CCDC180: variants seen among roughly 807,000 people sequenced by gnomAD.
The protein encoded by CCDC180 is coiled-coil domain containing 180, also known as coiled-coil domain-containing protein 180.
In CCDC180, 154 loss-of-function variants were observed where a neutral mutation model predicts 209.2. The ratio of observed to expected loss-of-function variants is 0.74; its 90% CI spans 0.65 to 0.84. CCDC180 has a LOEUF of 0.84. CCDC180 is among the 40% of genes least tolerant of loss of function. The pLI, the probability that CCDC180 is intolerant of heterozygous loss-of-function variation, is 0.00. For synonymous variants in CCDC180, 778 were observed against 749.1 expected (o/e 1.04, Z -0.63); for missense variants, 1,874 against 1,997.3 (o/e 0.94, Z 1.18).
rs747470456 is a variant in CCDC180 at position 97,314,604 on chromosome 9, A to G, written c.589-14A>G. The G allele has an allele frequency of 4.3e-6, 7 of 1,613,572 alleles. No homozygotes were observed. In the African/African-American group the frequency reaches 6.7e-5, roughly 15 times the overall value. The stretch of plus-strand genomic sequence containing the variant: ...CCCACCGGCTCCTAGCCTGACCCAA[A>G]CTTCTCTGCGTAGGCCCTGCTGGAG... On this transcript the variant is annotated splice_polypyrimidine_tract_variant and intron_variant, in intron 6 of 36. Coordinates refer to ENST00000529487, the MANE Select transcript of CCDC180 (RefSeq NM_020893.6).
intron 12 of CCDC180, 104 bp from the exon 13 acceptor site, chr9:97,323,677 G>A (rs1489211703): frequency 9.8e-6 from 13 of 1,330,940 alleles, no homozygotes; most frequent in Non-Finnish European, 1.3e-5. Context: ...CCTTCACCTG[G>A]AGCTCAGGTC....
intron 13 of CCDC180, 75 bp downstream of exon 13, chr9:97,323,978 G>A (rs1428422432): frequency 1.3e-6 from 2 of 1,506,144 alleles, no homozygotes; most frequent in Admixed American, 2.0e-5. Flanking sequence ...GCTGTAGGGA[G>A]AGTCCAAGAA....
In CCDC180 at chr9:97,367,869, T is replaced by C. The variant is rs887788110; in HGVS notation, c.4189+1169T>C. On this transcript the variant is annotated intron_variant, in intron 31 of 36. Coordinates refer to ENST00000529487, the MANE Select transcript of CCDC180 (RefSeq NM_020893.6). ...TTAAGTTCCTCACACAGACTTGGCATGTACAGGGAATTAAGCAGCGATAGT... is the reference window on the plus strand; with the variant it reads ...TTAAGTTCCTCACACAGACTTGGCACGTACAGGGAATTAAGCAGCGATAGT... Among the ~76,000 whole-genome samples the C allele has an allele frequency of 4.6e-5, 7 of 152,162 alleles. 1 individual carries two copies. The East Asian group carries it at 7.7e-4, about 17-fold the overall frequency.
chr9:97,320,917 G>A (rs536981063), intron 11 of CCDC180, among the ~76,000 whole-genome samples: 3 of 152,308 alleles, frequency 2.0e-5, no homozygotes, highest in East Asian at 1.9e-4. Flanking sequence ...CGACTTCATG[G>A]TAGTGTGAAA....
chr9:97,309,389 C>G, intron 2 of CCDC180, 25 bp from the exon 3 acceptor site: 2 of 1,594,612 alleles, frequency 1.3e-6, no homozygotes, highest in South Asian at 2.3e-5. Flanking sequence ...ACCACTCCCC[C>G]ATCCTTGGTC....
chr9:97,314,306 T>C, intron 5 of CCDC180, 87 bp from the exon 6 acceptor site: 1 of 1,510,114 alleles, frequency 6.6e-7, no homozygotes, highest in Non-Finnish European at 9.2e-7. Flanking sequence ...GATAGAACCA[T>C]GCCTGGCACT....
rs142652251 is a variant in CCDC180 at position 97,367,749 on chromosome 9, C to T, written c.4189+1049C>T. Among the ~76,000 whole-genome samples, 59 of 152,320 alleles carry T rather than the reference C, an allele frequency of 3.9e-4. 1 individual carries two copies. The East Asian group carries it at 0.011, about 29-fold the overall frequency. ...TTGGCCTCCCAAAGTGCTGGGATTA[C>T]AGACATGAGCCACTGCGCCCAGCCA... On this transcript the variant is annotated intron_variant, in intron 31 of 36. Coordinates refer to ENST00000529487, the MANE Select transcript of CCDC180 (RefSeq NM_020893.6).
chr9:97,330,760 T>C lies in CCDC180; in HGVS notation c.2267T>C (p.Val756Ala), dbSNP rs1456756855. 1 of 1,596,534 alleles carries C rather than the reference T, an allele frequency of 6.3e-7. No individual in the cohort carries two copies. The highest frequency in any genetic ancestry group is 2.2e-5 in the East Asian group (1 of 44,844). ...EAQEEQESLS[V>A]GEEEDKEEGL... is the part of the protein sequence containing the mutation. ...CAGGAAGAGCAAGAGAGTTTATCTGTGGGTGAGGTAAGCCAGCAACTGATT... is the reference window on the plus strand; with the variant it reads ...CAGGAAGAGCAAGAGAGTTTATCTGCGGGTGAGGTAAGCCAGCAACTGATT... Residue 756 changes from valine to alanine, a missense_variant, in exon 18 of 37, where the codon GTG becomes GCG. By Grantham distance (64) the Val-to-Ala change is moderately conservative (BLOSUM62 0). Transcript: ENST00000529487.
At chr9:97,309,792 C>CA (rs1039807831) in intron 3 of CCDC180, among the ~76,000 whole-genome samples, 188 bp downstream of exon 3, 2 of 152,196 alleles carry the variant, frequency 1.3e-5, no homozygotes, top group African/African-American at 4.8e-5. Flanking sequence ...CCCACTCCCA[C>CA]AGTCATTATT....
At chr9:97,331,051 T>G (rs930387960) in intron 18 of CCDC180, among the ~76,000 whole-genome samples, 2 of 152,120 alleles carry the variant, frequency 1.3e-5, no homozygotes, top group African/African-American at 4.8e-5. Flanking sequence ...TAGTTGTTGT[T>G]TTTTTTTCTG....
At chr9:97,359,867 T>G (rs1013225122) in intron 25 of CCDC180, 115 bp from the exon 26 acceptor site, 4 of 1,379,390 alleles carry the variant, frequency 2.9e-6, no homozygotes, top group Non-Finnish European at 4.0e-6. Context: ...GGAGCCTCCA[T>G]TAAGCCAAGA....
upstream of CCDC180, chr9:97,307,417 C>G (rs1173105092): frequency 1.7e-6 from 1 of 574,282 alleles, no homozygotes; most frequent in Non-Finnish European, 3.3e-6. Flanking sequence ...CGCAAGGCCT[C>G]CCTCCAATCT....
intron 11 of CCDC180, among the ~76,000 whole-genome samples, chr9:97,321,554 A>T (rs1256856236): frequency 1.3e-5 from 2 of 152,140 alleles, no homozygotes; most frequent in Non-Finnish European, 2.9e-5. Context: ...TAATACTAAG[A>T]GTGTTTCTGT....
chr9:97,352,490 G>A (rs965933427), intron 22 of CCDC180, among the ~76,000 whole-genome samples: 2 of 152,244 alleles, frequency 1.3e-5, no homozygotes, highest in Admixed American at 6.5e-5. Context: ...AATATCTTCT[G>A]GAGGATCCAG....
At position 97,378,675 on chromosome 9, in the gene CCDC180, G is replaced by A. The variant is rs1250303814; in HGVS notation, c.*1781G>A. Among the ~76,000 whole-genome samples, 1 of 152,212 alleles carries A rather than the reference G, an allele frequency of 6.6e-6. No homozygotes were observed. Among genetic ancestry groups the A allele is most frequent in the Non-Finnish European group, 1.5e-5 (1 of 68,034 alleles). ...GCCTCTGTCGGACAAGGGCGAGGAT[G>A]TCCCATGCAGGGCTCCTAGAAAGAA... On this transcript the variant is annotated 3_prime_UTR_variant, in exon 37 of 37. Transcript: ENST00000529487.
At chr9:97,371,176 G>A (rs539190240) in intron 33 of CCDC180, 1 of 165,996 alleles carries the variant, frequency 6.0e-6, no homozygotes, top group East Asian at 1.7e-4. Context: ...GTGTTAGCCA[G>A]GATGGTCTCG....
chr9:97,354,964 A>C lies in CCDC180; in HGVS notation c.3220A>C (p.Ile1074Leu). 1 of 1,614,144 alleles carries C rather than the reference A, an allele frequency of 6.2e-7. No homozygotes were observed. Among genetic ancestry groups the C allele is most frequent in the Non-Finnish European group, 8.5e-7 (1 of 1,179,980 alleles). Residue 1074 changes from isoleucine to leucine, a missense_variant, in exon 24 of 37, where the codon ATC becomes CTC. Coordinates refer to ENST00000529487, the MANE Select transcript of CCDC180 (RefSeq NM_020893.6). ...LSVDLIFIEKIQRLLTNLQVK... is the reference protein window; with the variant it reads ...LSVDLIFIEKLQRLLTNLQVK... The stretch of plus-strand genomic sequence containing the variant: ...TGTGGACCTTATTTTCATAGAGAAA[A>C]TCCAGCGGTTGCTGACGAATCTGCA...
chr9:97,332,957 G>T (rs927362341), intron 18 of CCDC180, among the ~76,000 whole-genome samples: 2 of 152,122 alleles, frequency 1.3e-5, no homozygotes, highest in Non-Finnish European at 2.9e-5. Context: ...GGTTTTCAAG[G>T]GGAATGCTTC....
chr9:97,326,167 C>G (rs551931867), intron 14 of CCDC180, among the ~76,000 whole-genome samples: 2 of 152,354 alleles, frequency 1.3e-5, no homozygotes, highest in Non-Finnish European at 2.9e-5. Flanking sequence ...CTTGCCTGCT[C>G]TCACACAGTC....
Sources: gnomAD v4.1 joint callset for allele counts (sites outside exome capture counted in the v4.1 genomes callset) on GRCh38, gnomAD v4.1.1 for gene constraint, MANE v1.5 for transcripts, NCBI Gene and HGNC (gene_info 2026-07-23, HGNC 2026-07-21) for gene names.